The following MAP2K4 variants were observed in gnomAD, a reference collection of about 807,000 sequenced individuals.
MAP2K4 encodes mitogen-activated protein kinase kinase 4, also known as dual specificity mitogen-activated protein kinase kinase 4.
MAP2K4 carries 4 observed loss-of-function variants against 48.5 expected under a neutral mutation model. The ratio of observed to expected loss-of-function variants is 0.08; its 90% CI spans 0.04 to 0.19. The LOEUF is 0.19. Among genes scored for constraint, MAP2K4 ranks in the 10% least tolerant of loss-of-function variants. MAP2K4 has a pLI of 1.00. For missense variants in MAP2K4, 258 were observed against 493.3 expected (o/e 0.52, Z 4.52); for synonymous variants, 166 against 173.1 (o/e 0.96, Z 0.32).
rs1001733468 is a variant in MAP2K4, at chr17:12,100,206, C to T, written c.513+4512C>T. ...ATCACTTACGAGTTTCCTTACACCACGTAGGTAATACCTGCCACCTCTCTG... is the reference window on the plus strand; with the variant it reads ...ATCACTTACGAGTTTCCTTACACCATGTAGGTAATACCTGCCACCTCTCTG... On this transcript the variant is annotated intron_variant, in intron 4 of 10. Transcript: ENST00000353533. Among the ~76,000 whole-genome samples the T allele has an allele frequency of 8.7e-4, 133 of 152,180 alleles. 1 individual carries two copies. Among genetic ancestry groups the T allele is most frequent in the Non-Finnish European group, 4.6e-4 (31 of 68,028 alleles).
intron 2 of MAP2K4, among the ~76,000 whole-genome samples, chr17:12,075,844 G>C (rs925550609): frequency 1.3e-5 from 2 of 152,208 alleles, no homozygotes; most frequent in Non-Finnish European, 2.9e-5. Context: ...TCTATAAGCA[G>C]TAGGTATAAT....
At chr17:12,104,604 T>G (rs1269578559) in intron 4 of MAP2K4, among the ~76,000 whole-genome samples, 1 of 152,162 alleles carries the variant, frequency 6.6e-6, no homozygotes, top group African/African-American at 2.4e-5. Flanking sequence ...CTGAGTTTGG[T>G]CTTTCCCTAA....
intron 1 of MAP2K4, among the ~76,000 whole-genome samples, chr17:12,044,562 T>C (rs980162774): frequency 4.6e-5 from 7 of 152,252 alleles, no homozygotes; most frequent in Non-Finnish European, 1.0e-4. Context: ...CAAACTTTTT[T>C]CCTCTGCTTT....
intron 7 of MAP2K4, among the ~76,000 whole-genome samples, chr17:12,122,908 C>A (rs1972736307): frequency 6.6e-6 from 1 of 151,976 alleles, no homozygotes; most frequent in South Asian, 2.1e-4. Context: ...TATTTTCTTC[C>A]TTTCTATAAA....
At chr17:12,027,277 G>C (rs1969282952) in intron 1 of MAP2K4, among the ~76,000 whole-genome samples, 1 of 152,064 alleles carries the variant, frequency 6.6e-6, no homozygotes, top group Non-Finnish European at 1.5e-5. Flanking sequence ...ACTCAAGGTG[G>C]GCCTTTTGAA....
intron 2 of MAP2K4, among the ~76,000 whole-genome samples, chr17:12,067,876 C>T (rs983556549): frequency 1.6e-4 from 24 of 151,928 alleles, no homozygotes; most frequent in African/African-American, 5.6e-4. Flanking sequence ...CAGACACAGA[C>T]GTGTGTGTGT....
rs1429511984 is a variant in MAP2K4, at chr17:12,143,259, G to A, written c.*1999G>A. 1 of 232,912 alleles carries A rather than the reference G, an allele frequency of 4.3e-6. No individual in the cohort carries two copies. The highest frequency in any genetic ancestry group is 2.2e-5 in the African/African-American group (1 of 45,302). 14.4% of individuals were successfully genotyped at this position (232,912 alleles called of 1,614,324 possible). A position where few individuals can be genotyped will look rare whatever the true frequency, so the allele number is the denominator to read the frequency against. Reference sequence around the variant, plus strand: ...AGGGTCACTTTGCCATTATGCAAATGGAGATAAAAGCAATTCTGACTGTCC... The same window carrying A: ...AGGGTCACTTTGCCATTATGCAAATAGAGATAAAAGCAATTCTGACTGTCC... On this transcript the variant is annotated 3_prime_UTR_variant, in exon 11 of 11. Transcript: ENST00000353533.
chr17:12,066,515 T>TTCC (rs1211032659), intron 2 of MAP2K4, among the ~76,000 whole-genome samples: 2 of 152,096 alleles, frequency 1.3e-5, no homozygotes, highest in East Asian at 1.9e-4. Flanking sequence ...ACATACCCTT[T>TTCC]TCCTCCTCCT....
intron 1 of MAP2K4, among the ~76,000 whole-genome samples, chr17:12,037,122 C>G (rs534505582): frequency 1.3e-5 from 2 of 152,184 alleles, no homozygotes; most frequent in South Asian, 4.2e-4. Context: ...ATTCTGGATG[C>G]TACGAATTGA....
intron 3 of MAP2K4, 48 bp from the exon 4 acceptor site, chr17:12,095,527 T>A: frequency 6.2e-7 from 1 of 1,610,328 alleles, no homozygotes; most frequent in Non-Finnish European, 8.5e-7. Context: ...TTGGTGTTTT[T>A]GACAAAATTA....
chr17:12,049,834 A>G lies in MAP2K4; in HGVS notation c.116-5055A>G, dbSNP rs566632733. 3.9e-5 allele frequency among the ~76,000 whole-genome samples: 6 copies of G among 152,326 alleles called. No individual in the cohort carries two copies. The South Asian group carries it at 1.0e-3, about 26-fold the overall frequency. Reference sequence around the variant, plus strand: ...CAGCAAGGTCCCTTTGCAGATGGGTATGGACTCAGGGAGCTGTGGTTCCTT... The same window carrying G: ...CAGCAAGGTCCCTTTGCAGATGGGTGTGGACTCAGGGAGCTGTGGTTCCTT... On this transcript the variant is annotated intron_variant, in intron 1 of 10. Transcript: ENST00000353533.
At chr17:12,105,765 A>G (rs1207423466) in intron 4 of MAP2K4, among the ~76,000 whole-genome samples, 1 of 152,118 alleles carries the variant, frequency 6.6e-6, no homozygotes, top group East Asian at 1.9e-4. Context: ...TATGTTCCTT[A>G]AAAATCACAA....
intron 2 of MAP2K4, among the ~76,000 whole-genome samples, chr17:12,062,487 A>G (rs1970480642): frequency 6.6e-6 from 1 of 152,104 alleles, no homozygotes; most frequent in Admixed American, 6.5e-5. Context: ...GGCATGTGCC[A>G]CCATCCCTGG....
rs1297800744 is a variant in MAP2K4, at chr17:12,081,360, A to C, written c.223A>C (p.Arg75=). The change falls in exon 3 of 11, where the codon AGA becomes CGA. Residue 75 remains arginine, a synonymous_variant. Transcript: ENST00000353533. This position sits in a 1 kb window ranked among gnomAD's most constrained non-coding sequence, Gnocchi z 4.2. ...PTGVQNPHIE[R]LRTHSIESSG... is the part of the protein sequence containing the mutation. ...TGCTTCCCAATATTTTAACAGAGAG[A>C]GACTGAGAACACACAGCATTGAGTC... 2.1e-5 allele frequency: 33 copies of C among 1,603,472 alleles called. No individual in the cohort carries two copies. In the Admixed American group the frequency reaches 5.4e-4, roughly 26 times the overall value.
chr17:12,036,583 C>T (rs1271995825), intron 1 of MAP2K4: 1 of 152,170 alleles, frequency 6.6e-6, no homozygotes, highest in Non-Finnish European at 1.5e-5. Flanking sequence ...GTTGATTCCT[C>T]ATGAAGAGCA....
At chr17:12,029,934 A>G (rs768444361) in intron 1 of MAP2K4, among the ~76,000 whole-genome samples, 8 of 152,076 alleles carry the variant, frequency 5.3e-5, no homozygotes, top group Non-Finnish European at 1.2e-4. Flanking sequence ...AAAAAGAAAA[A>G]AAGAAAAATT....
Position 12,107,658 on chromosome 17 carries a change from A to C in MAP2K4, c.514-132A>C, listed in dbSNP as rs1972164559. 4 of 812,352 alleles carry C rather than the reference A, an allele frequency of 4.9e-6. No individual in the cohort carries two copies. The East Asian group carries it at 1.1e-4, about 23-fold the overall frequency. The allele number at this position is 812,352 out of a possible 1,614,324, so 50.3% of individuals were successfully genotyped here. Reference sequence around the variant, plus strand: ...CTGTTGAAGGCTTTAACAAGAAAACAAAAATTATTACTAGTTTGACATTTG... The same window carrying C: ...CTGTTGAAGGCTTTAACAAGAAAACCAAAATTATTACTAGTTTGACATTTG... On this transcript the variant is annotated intron_variant, in intron 4 of 10. Transcript: ENST00000353533.
chr17:12,030,344 A>G (rs1344147578), intron 1 of MAP2K4, among the ~76,000 whole-genome samples: 3 of 152,208 alleles, frequency 2.0e-5, no homozygotes, highest in Non-Finnish European at 4.4e-5. Flanking sequence ...TTAGTGAGAA[A>G]TAATGTGGAG....
chr17:12,040,539 C>T (rs979550009), intron 1 of MAP2K4, among the ~76,000 whole-genome samples: 5 of 152,120 alleles, frequency 3.3e-5, no homozygotes, highest in Admixed American at 6.6e-5. Flanking sequence ...AGTAATAAGA[C>T]GTTCTCTGGT....
Sources: gnomAD v4.1 joint callset for allele counts (sites outside exome capture counted in the v4.1 genomes callset) on GRCh38, gnomAD v4.1.1 for gene constraint, Gnocchi (gnomAD v3.1) non-coding constraint, MANE v1.5 for transcripts, NCBI Gene and HGNC (gene_info 2026-07-23, HGNC 2026-07-21) for gene names.